The following PDE10A variants were observed in gnomAD, a reference collection of about 807,000 sequenced individuals.
The protein encoded by PDE10A is phosphodiesterase 10A.
PDE10A carries 39 observed loss-of-function variants against 97.7 expected under a neutral mutation model. The ratio of observed to expected loss-of-function variants is 0.40; its 90% confidence interval spans 0.31 to 0.52. The LOEUF (loss-of-function observed/expected upper bound fraction) is 0.52, where lower values mean the gene tolerates loss of function less well. Among genes scored for constraint, PDE10A ranks in the 20% least tolerant of loss-of-function variants. The probability of loss-of-function intolerance (pLI) is 0.56; values close to 1 mark genes in which losing one functional copy is unlikely to be tolerated. For synonymous variants in PDE10A, 371 were observed against 376.8 expected, an observed-to-expected ratio of 0.98 and a Z score of 0.18; for missense variants, 731 against 1,047.8, an observed-to-expected ratio of 0.70 and a Z score of 4.17.
intron 1 of PDE10A, among the ~76,000 whole-genome samples, chr6:165,650,515 T>C (rs1360075725): frequency 6.6e-6 from 1 of 152,206 alleles, no homozygotes; most frequent in African/African-American, 2.4e-5. Flanking sequence ...TGTGTGTATG[T>C]TGTTTACACC....
At chr6:165,905,317 G>T (rs1782230156) in intron 1 of PDE10A, among the ~76,000 whole-genome samples, 1 of 152,066 alleles carries the variant, frequency 6.6e-6, no homozygotes, top group South Asian at 2.1e-4. Context: ...CTACATAGAG[G>T]TTGTTTAAAT....
At chr6:165,596,180 C>T (rs1321930832) in intron 1 of PDE10A, among the ~76,000 whole-genome samples, 2 of 152,188 alleles carry the variant, frequency 1.3e-5, no homozygotes, top group Non-Finnish European at 2.9e-5. Context: ...TCATTGGCAT[C>T]TTTCTCTCCC....
At chr6:165,970,728 A>T (rs1784644015) in intron 1 of PDE10A, among the ~76,000 whole-genome samples, 1 of 152,230 alleles carries the variant, frequency 6.6e-6, no homozygotes, top group South Asian at 2.1e-4. Flanking sequence ...TTGTCTTTTG[A>T]ATTTTTGCCA....
At chr6:165,769,801 G>A (rs1434677188) in intron 1 of PDE10A, among the ~76,000 whole-genome samples, 1 of 152,186 alleles carries the variant, frequency 6.6e-6, no homozygotes, top group Non-Finnish European at 1.5e-5. Flanking sequence ...TCCGTTTTGA[G>A]AACTAAGCTG....
chr6:165,734,286 T>A (rs1198218364), intron 1 of PDE10A, among the ~76,000 whole-genome samples: 2 of 151,860 alleles, frequency 1.3e-5, no homozygotes, highest in Non-Finnish European at 2.9e-5. Context: ...CTGGGCCACC[T>A]CCAGGAACAG....
chr6:165,581,085 A>G (rs1019357723), intron 1 of PDE10A, among the ~76,000 whole-genome samples: 13 of 152,368 alleles, frequency 8.5e-5, no homozygotes, highest in African/African-American at 3.1e-4. Flanking sequence ...TTATGGTGAC[A>G]CCATGGAGAA....
intron 17 of PDE10A, among the ~76,000 whole-genome samples, chr6:165,385,481 C>A (rs1785242798): frequency 6.6e-6 from 1 of 152,172 alleles, no homozygotes; most frequent in Non-Finnish European, 1.5e-5. Flanking sequence ...AACATAAGGG[C>A]AGAAGTCAGG....
intron 1 of PDE10A, among the ~76,000 whole-genome samples, chr6:165,620,520 T>C (rs1462681182): frequency 6.6e-6 from 1 of 151,886 alleles, no homozygotes; most frequent in Non-Finnish European, 1.5e-5. Flanking sequence ...GAGGAAATGG[T>C]GAAACATTGT....
At chr6:165,876,882 G>A (rs1482115707) in intron 1 of PDE10A, among the ~76,000 whole-genome samples, 1 of 152,216 alleles carries the variant, frequency 6.6e-6, no homozygotes, top group Non-Finnish European at 1.5e-5. Context: ...ATCCAGCAAA[G>A]GGAGGAGCAG....
intron 21 of PDE10A, among the ~76,000 whole-genome samples, chr6:165,334,227 C>T (rs1781503225): frequency 6.6e-6 from 1 of 152,240 alleles, no homozygotes; most frequent in African/African-American, 2.4e-5. Flanking sequence ...GCTGCCCACA[C>T]AGTGGACACC....
chr6:165,348,240 A>G (rs1782447774), intron 18 of PDE10A, among the ~76,000 whole-genome samples: 1 of 152,228 alleles, frequency 6.6e-6, no homozygotes, highest in Non-Finnish European at 1.5e-5. Flanking sequence ...GTGTTTACGA[A>G]AGGCAGTTCT....
At chr6:165,854,467 A>G (rs571146583) in intron 1 of PDE10A, among the ~76,000 whole-genome samples, 35 of 152,194 alleles carry the variant, frequency 2.3e-4, no homozygotes, top group African/African-American at 8.2e-4. Context: ...AGCCCCCAGG[A>G]CGTCCCCCGG....
rs187783846 is a variant in PDE10A, at chr6:165,812,832, C to T, written c.-615+174697G>A. The stretch of plus-strand genomic sequence containing the variant: ...CTTCATCATACAAAAAGGAAATTGA[C>T]CCCGAGAGAGCTTAAGTAACTTCTC... On this transcript the variant is annotated intron_variant, in intron 1 of 19. Coordinates refer to the PDE10A transcript ENST00000366882. Among the ~76,000 whole-genome samples, 40 of 152,170 alleles carry T rather than the reference C, an allele frequency of 2.6e-4. 1 individual carries two copies. The highest frequency in any genetic ancestry group is 2.3e-3 in the Admixed American group (35 of 15,288).
chr6:165,881,375 C>A (rs1478491270), intron 1 of PDE10A, among the ~76,000 whole-genome samples: 1 of 143,456 alleles, frequency 7.0e-6, no homozygotes, highest in Non-Finnish European at 1.5e-5. Flanking sequence ...CAAGCAATTT[C>A]TTTTCTTTTT....
At chr6:165,791,014 C>A (rs1379989458) in intron 1 of PDE10A, among the ~76,000 whole-genome samples, 1 of 152,022 alleles carries the variant, frequency 6.6e-6, no homozygotes, top group Admixed American at 6.6e-5. Context: ...TTCTCCTACC[C>A]CTTAACCCCA....
intron 1 of PDE10A, among the ~76,000 whole-genome samples, chr6:165,977,411 T>C (rs1041292753): frequency 6.6e-6 from 1 of 152,200 alleles, no homozygotes; most frequent in Admixed American, 6.5e-5. Flanking sequence ...ATCTTTCTTC[T>C]TAATACCGTC....
chr6:165,862,073 C>A (rs1165845293), intron 1 of PDE10A, among the ~76,000 whole-genome samples: 1 of 152,162 alleles, frequency 6.6e-6, no homozygotes, highest in African/African-American at 2.4e-5. Flanking sequence ...AGGACGCCTG[C>A]GCTCCCCTAC....
At chr6:165,432,355 G>A (rs1468501627) in intron 7 of PDE10A, among the ~76,000 whole-genome samples, 1 of 152,126 alleles carries the variant, frequency 6.6e-6, no homozygotes, top group Non-Finnish European at 1.5e-5. Flanking sequence ...GATAAGTGGA[G>A]AGAAGAAAAA....
chr6:165,712,196 G>C (rs1237801168), intron 1 of PDE10A, among the ~76,000 whole-genome samples: 1 of 152,186 alleles, frequency 6.6e-6, no homozygotes, highest in Non-Finnish European at 1.5e-5. Flanking sequence ...GCCTGGAGGG[G>C]TGTGACATCA....
Sources: allele counts gnomAD v4.1 joint callset (sites outside exome capture counted in the v4.1 genomes callset), GRCh38; gene constraint gnomAD v4.1.1; transcripts MANE v1.5; gene names NCBI Gene and HGNC (gene_info 2026-07-23, HGNC 2026-07-21).